Variants in FRMPD4 observed in about 807,000 individuals in gnomAD.
FRMPD4 encodes FERM and PDZ domain-containing protein 4.
In FRMPD4, 22 loss-of-function variants were observed where a neutral mutation model predicts 94.1. The observed-to-expected ratio is 0.23, with a 90% CI of 0.17 to 0.33. The LOEUF is 0.33. FRMPD4 is among the 10% of genes least tolerant of loss of function. The pLI, the probability that FRMPD4 is intolerant of heterozygous loss-of-function variation, is 1.00. For missense variants in FRMPD4, 1,111 were observed against 1,339.9 expected (o/e 0.83, Z 2.67); for synonymous variants, 631 against 548.6 (o/e 1.15, Z -2.10).
rs768783435 is a variant in FRMPD4, at chrX:12,360,431, C to G, written c.42-138249C>G. Among the ~76,000 whole-genome samples, 3 of 111,379 alleles carry G rather than the reference C, an allele frequency of 2.7e-5. No homozygotes were observed. In the East Asian group the frequency reaches 8.4e-4, roughly 31 times the overall value. ...GCAACCATCCATATATGTACATTGG[C>G]AAGCCTGATGTTTTCAGCCTCGTTT... On this transcript the variant is annotated intron_variant, in intron 1 of 16. Coordinates refer to ENST00000675598, the MANE Select transcript of FRMPD4 (RefSeq NM_001368397.1).
intron 3 of FRMPD4, among the ~76,000 whole-genome samples, chrX:12,019,504 C>T (rs745413957): frequency 9.1e-6 from 1 of 110,396 alleles, no homozygotes; most frequent in South Asian, 3.9e-4. Context: ...TGGTTAGTAC[C>T]TTCTGTTACT....
intron 1 of FRMPD4, among the ~76,000 whole-genome samples, chrX:11,841,873 G>A (rs1368931450): frequency 9.2e-6 from 1 of 109,073 alleles, no homozygotes; most frequent in East Asian, 2.9e-4. Flanking sequence ...GGGTTTTTAT[G>A]GTTTTAGGTC....
rs190521585 is a variant in FRMPD4, at chrX:12,107,550, A to G, written c.95+229532A>G. On this transcript the variant is annotated intron_variant, in intron 3 of 18. Coordinates refer to the FRMPD4 transcript ENST00000640291. ...AGCAACGGAACAAAGTTGGATGGAGAATGACTTTGATGAGTTGAGAGAAGA... is the reference window on the plus strand; with the variant it reads ...AGCAACGGAACAAAGTTGGATGGAGGATGACTTTGATGAGTTGAGAGAAGA... Among the ~76,000 whole-genome samples the G allele has an allele frequency of 5.6e-4, 63 of 112,325 alleles. No individual in the cohort carries two copies. In the South Asian group the frequency reaches 0.014, roughly 26 times the overall value.
At chrX:12,087,420 C>A (rs1289013858) in intron 3 of FRMPD4, among the ~76,000 whole-genome samples, 2 of 112,095 alleles carry the variant, frequency 1.8e-5, no homozygotes, top group Non-Finnish European at 3.8e-5. Context: ...GTGCCCTCCT[C>A]TTAGAATTCC....
intron 2 of FRMPD4, among the ~76,000 whole-genome samples, chrX:12,564,802 A>C (rs1458546261): frequency 4.1e-5 from 4 of 97,397 alleles, no homozygotes; most frequent in African/African-American, 1.5e-4. Context: ...ACAACATCTC[A>C]TAGTACTACA....
At chrX:12,406,159 A>G (rs113547363) in intron 1 of FRMPD4, among the ~76,000 whole-genome samples, 1 of 110,479 alleles carries the variant, frequency 9.1e-6, no homozygotes, top group African/African-American at 3.3e-5. Flanking sequence ...TGAACATCCT[A>G]TAACGCACAG....
chrX:12,633,221 TG>T lies in FRMPD4; in HGVS notation c.422+18341del, dbSNP rs758406784. ...ATATGTACTTTCTCTTAAACCATGCTGCCACTCTGGGTGAGAGGAAGTGAAT... is the reference window on the plus strand; with the variant it reads ...ATATGTACTTTCTCTTAAACCATGCTCCACTCTGGGTGAGAGGAAGTGAAT... On this transcript the variant is annotated intron_variant, in intron 4 of 16. Coordinates refer to ENST00000675598, the MANE Select transcript of FRMPD4 (RefSeq NM_001368397.1). 6.1e-4 allele frequency among the ~76,000 whole-genome samples: 69 copies of T among 112,299 alleles called. 3 individuals carry two copies. The East Asian group carries it at 0.018, about 30-fold the overall frequency.
rs891709064 is a variant in FRMPD4, at chrX:11,977,092, A to C, written c.95+99074A>C. Among the ~76,000 whole-genome samples the C allele has an allele frequency of 1.6e-4, 18 of 112,025 alleles. 2 individuals are homozygous for C. The highest frequency in any genetic ancestry group is 1.4e-3 in the Admixed American group (15 of 10,576). ...GCAAATAGTATTTTCTCTCATGTAC[A>C]ATGAGTTTTTTAATAAAAGTTAAAA... On this transcript the variant is annotated intron_variant, in intron 3 of 18. Coordinates refer to the FRMPD4 transcript ENST00000640291.
chrX:12,505,902 G>A (rs2057979567), intron 2 of FRMPD4, among the ~76,000 whole-genome samples: 1 of 111,396 alleles, frequency 9.0e-6, no homozygotes, highest in Non-Finnish European at 1.9e-5. Context: ...CCAATTTCTG[G>A]TGAAGAGCTC....
chrX:12,378,078 G>A (rs1031577080), intron 1 of FRMPD4, among the ~76,000 whole-genome samples: 1 of 112,175 alleles, frequency 8.9e-6, no homozygotes, highest in African/African-American at 3.2e-5. Context: ...AAGAGGCACC[G>A]ATGGGGGCGA....
intron 1 of FRMPD4, among the ~76,000 whole-genome samples, chrX:12,250,686 A>G (rs1247815494): frequency 8.9e-6 from 1 of 112,180 alleles, no homozygotes; most frequent in African/African-American, 3.2e-5. Flanking sequence ...AAATTTCACT[A>G]AAGTACAGGC....
intron 3 of FRMPD4, among the ~76,000 whole-genome samples, chrX:11,924,356 T>A (rs1163287712): frequency 8.9e-6 from 1 of 112,119 alleles, no homozygotes; most frequent in African/African-American, 3.2e-5. Flanking sequence ...TCATGAGAAC[T>A]TTCCCAATCT....
chrX:12,304,921 T>C (rs928883072), intron 1 of FRMPD4, among the ~76,000 whole-genome samples: 1 of 111,816 alleles, frequency 8.9e-6, no homozygotes, highest in Non-Finnish European at 1.9e-5. Flanking sequence ...ATATGAACAT[T>C]GCAGATCAGA....
intron 1 of FRMPD4, among the ~76,000 whole-genome samples, chrX:12,291,410 G>A (rs1274286438): frequency 2.7e-5 from 3 of 111,701 alleles, no homozygotes; most frequent in African/African-American, 9.8e-5. Flanking sequence ...AGGCCTCATA[G>A]TACATTCTAT....
chrX:12,522,594 CTTTTTTTTTTT>C (rs373581040), intron 2 of FRMPD4, among the ~76,000 whole-genome samples: 3 of 74,548 alleles, frequency 4.0e-5, no homozygotes, highest in South Asian at 7.3e-4. Flanking sequence ...TTTTCTTTTC[CTTTTTTTTTTT>C]TTTTTTTTTT....
At chrX:12,619,975 C>T (rs997506037) in intron 4 of FRMPD4, among the ~76,000 whole-genome samples, 10 of 112,825 alleles carry the variant, frequency 8.9e-5, no homozygotes, top group African/African-American at 2.9e-4. Context: ...TACTGACCTC[C>T]ATCTGAATGT....
intron 2 of FRMPD4, among the ~76,000 whole-genome samples, chrX:12,508,991 C>CAAAAAA (rs770698547): frequency 1.3e-4 from 4 of 30,534 alleles, no homozygotes; most frequent in East Asian, 1.5e-3. Context: ...GACTCTGTCT[C>CAAAAAA]AAAAAAAAAA....
chrX:12,456,762 A>C (rs1385697453), intron 1 of FRMPD4, among the ~76,000 whole-genome samples: 2 of 113,118 alleles, frequency 1.8e-5, no homozygotes, highest in Non-Finnish European at 3.7e-5. Flanking sequence ...GTAGATAATA[A>C]AAAAATTAGA....
At chrX:12,590,870 G>A (rs1264918962) in intron 2 of FRMPD4, among the ~76,000 whole-genome samples, 1 of 111,881 alleles carries the variant, frequency 8.9e-6, no homozygotes, top group African/African-American at 3.3e-5. Context: ...CCACCAACAT[G>A]AAGCATTTGT....
Sources: gnomAD v4.1 joint callset for allele counts (sites outside exome capture counted in the v4.1 genomes callset) on GRCh38, gnomAD v4.1.1 for gene constraint, MANE v1.5 for transcripts, NCBI Gene and HGNC (gene_info 2026-07-23, HGNC 2026-07-21) for gene names.